Variants in MYO9B observed in about 807,000 individuals in gnomAD.
MYO9B encodes myosin IXB.
A neutral mutation model predicts 229.5 loss-of-function variants in MYO9B; 71 were observed. That is an observed-to-expected ratio of 0.31 (90% confidence interval 0.26 to 0.38). The LOEUF (loss-of-function observed/expected upper bound fraction) is 0.38, where lower values mean the gene tolerates loss of function less well. Ranked by LOEUF, MYO9B falls within the 10% of genes least tolerant of loss-of-function variation. The probability of loss-of-function intolerance (pLI) is 1.00; values close to 1 mark genes in which losing one functional copy is unlikely to be tolerated. For missense variants in MYO9B, 2,255 were observed against 2,920.5 expected (o/e 0.77, Z 5.25); for synonymous variants, 1,185 against 1,235.8 (o/e 0.96, Z 0.86).
intron 22 of MYO9B, among the ~76,000 whole-genome samples, chr19:17,196,300 G>A (rs1272602077): frequency 6.6e-6 from 1 of 152,034 alleles, no homozygotes; most frequent in Non-Finnish European, 1.5e-5. Flanking sequence ...AGATACACAT[G>A]ATGGATGAAG....
chr19:17,196,168 G>T lies in MYO9B; in HGVS notation c.4046+695G>T, dbSNP rs1447812450. Reference sequence around the variant, plus strand: ...TGGGTGGGTGGGTGGGTGGGTGGATGGATGGAAGATAGAGATGATGGAAGG... The same window carrying T: ...TGGGTGGGTGGGTGGGTGGGTGGATTGATGGAAGATAGAGATGATGGAAGG... On this transcript the variant is annotated intron_variant, in intron 22 of 39. Transcript: ENST00000682292. Among the ~76,000 whole-genome samples the T allele has an allele frequency of 7.4e-5, 11 of 149,568 alleles. No homozygotes were observed. The East Asian group carries it at 2.0e-3, about 27-fold the overall frequency.
Position 17,181,033 on chromosome 19 carries a change from T to G in MYO9B, c.2326T>G (p.Phe776Val). Residue 776 changes from phenylalanine to valine, a missense_variant, in exon 15 of 40, where the codon TTC becomes GTC. By Grantham distance (50) the Phe-to-Val change is conservative. Around this residue, in one of 7 missense-constraint regions of MYO9B, gnomAD observed 155 missense variants for 159.1 expected, o/e 0.97. Coordinates refer to ENST00000682292, the MANE Select transcript of MYO9B (RefSeq NM_004145.4). ...CAGTCGGCTCCAGAAACCCCGCGCC[T>G]TCATCCTGTGAGTCCCCCACCAAGG... ...SLSRLQKPRAFILKSKGIKQK... is the reference protein window; with the variant it reads ...SLSRLQKPRAVILKSKGIKQK... The G allele has an allele frequency of 6.2e-7, 1 of 1,606,818 alleles. No individual in the cohort carries two copies. Among genetic ancestry groups the G allele is most frequent in the Non-Finnish European group, 8.5e-7 (1 of 1,176,190 alleles).
chr19:17,169,802 C>CTTTTTTTTTTTT (rs762583073), intron 11 of MYO9B, among the ~76,000 whole-genome samples: 2 of 106,588 alleles, frequency 1.9e-5, no homozygotes, highest in African/African-American at 8.3e-5. Context: ...CTGTCTCCTC[C>CTTTTTTTTTTTT]TTTTTTTTTT....
intron 14 of MYO9B, among the ~76,000 whole-genome samples, chr19:17,179,024 C>G (rs967899061): frequency 1.5e-4 from 20 of 135,662 alleles, no homozygotes; most frequent in Non-Finnish European, 2.3e-4. Context: ...GAGCAAGACT[C>G]TGTAAAAAAA....
At chr19:17,163,145 A>C in intron 10 of MYO9B, 23 bp downstream of exon 10, 1 of 1,545,566 alleles carries the variant, frequency 6.5e-7, no homozygotes, top group Non-Finnish European at 8.7e-7. Context: ...CTTTTTTGTC[A>C]ATTTTTTGAA....
At chr19:17,126,492 A>C (rs1218503090) in intron 2 of MYO9B, among the ~76,000 whole-genome samples, 2 of 152,162 alleles carry the variant, frequency 1.3e-5, no homozygotes, top group East Asian at 3.9e-4. Flanking sequence ...CACAGATCCT[A>C]GGGGCCACCC....
At chr19:17,162,287 A>G in intron 8 of MYO9B, 63 bp from the exon 9 acceptor site, 2 of 1,374,234 alleles carry the variant, frequency 1.5e-6, no homozygotes, top group Non-Finnish European at 2.0e-6. Flanking sequence ...CCTGGATGAC[A>G]GAGCAAGACT....
chr19:17,079,266 G>A (rs2057513426), intron 1 of MYO9B, among the ~76,000 whole-genome samples: 1 of 152,214 alleles, frequency 6.6e-6, no homozygotes, highest in South Asian at 2.1e-4. Flanking sequence ...CAGGGGCAGA[G>A]ACCAGGAACT....
intron 2 of MYO9B, among the ~76,000 whole-genome samples, chr19:17,134,373 TTTTG>T (rs1243643937): frequency 7.4e-6 from 1 of 134,494 alleles, no homozygotes; most frequent in Non-Finnish European, 1.6e-5. Flanking sequence ...TTTTTTTTCG[TTTTG>T]TTTGTTTTTT....
Position 17,212,068 on chromosome 19 carries a change from T to G in MYO9B, c.6232T>G (p.Ser2078Ala), listed in dbSNP as rs1568306288. ...ANIKLPPGLP[S>A]HLPRWAPGAR... ...CATCAAGCTCCCACCAGGCCTGCCCTCCCACCTGCCTCGCTGGGCACCGGG... is the reference window on the plus strand; with the variant it reads ...CATCAAGCTCCCACCAGGCCTGCCCGCCCACCTGCCTCGCTGGGCACCGGG... Residue 2078 changes from serine (S) to alanine (A), a missense_variant, in exon 40 of 40, where the codon TCC (serine) becomes GCC (alanine). By Grantham distance (99) the Ser-to-Ala change is moderately conservative. Transcript: ENST00000682292. This position sits in a 1 kb window ranked among gnomAD's most constrained non-coding sequence, Gnocchi z 5.4. 6.3e-7 allele frequency: 1 copy of G among 1,599,508 alleles called. No individual in the cohort carries two copies. The highest frequency in any genetic ancestry group is 8.5e-7 in the Non-Finnish European group (1 of 1,174,576).
At chr19:17,080,439 G>A (rs924224401) in intron 1 of MYO9B, among the ~76,000 whole-genome samples, 2 of 152,150 alleles carry the variant, frequency 1.3e-5, no homozygotes, top group Admixed American at 6.6e-5. Flanking sequence ...ATACATAGCC[G>A]TCTTCCCCTG....
rs1249457659 is a variant in MYO9B, at chr19:17,212,965, CAG to C, written c.*656_*657del. The C allele has an allele frequency of 1.3e-5, 2 of 152,302 alleles. No individual in the cohort carries two copies. The highest frequency in any genetic ancestry group is 2.1e-4 in the South Asian group (1 of 4,834). 9.4% of individuals were successfully genotyped at this position (152,302 alleles called of 1,614,324 possible). ...TATTGGCTGGAGCCAGGACATGAGTCAGGGGCACCATGGACCTCACGTGCCAG... is the reference window on the plus strand; with the variant it reads ...TATTGGCTGGAGCCAGGACATGAGTCGGGCACCATGGACCTCACGTGCCAG... On this transcript the variant is annotated 3_prime_UTR_variant, in exon 40 of 40. Coordinates refer to ENST00000682292, the MANE Select transcript of MYO9B (RefSeq NM_004145.4). The surrounding 1 kb of genome is among the most constrained non-coding windows in gnomAD (Gnocchi z 5.4).
intron 1 of MYO9B, chr19:17,099,133 G>A (rs1198139667): frequency 6.6e-6 from 1 of 151,752 alleles, no homozygotes; most frequent in African/African-American, 2.4e-5. Flanking sequence ...AAATTAGTTG[G>A]GCATGGTGGT....
intron 2 of MYO9B, among the ~76,000 whole-genome samples, chr19:17,139,651 T>C (rs1318671704): frequency 6.7e-6 from 1 of 150,352 alleles, no homozygotes; most frequent in East Asian, 2.0e-4. Flanking sequence ...GGCGGGAGGA[T>C]CACCTTGAGC....
At chr19:17,130,694 G>C (rs919630390) in intron 2 of MYO9B, among the ~76,000 whole-genome samples, 2 of 151,860 alleles carry the variant, frequency 1.3e-5, no homozygotes, top group South Asian at 2.1e-4. Context: ...TGAGGCAGGA[G>C]GATCGCTTGA....
intron 17 of MYO9B, 37 bp downstream of exon 17, chr19:17,185,024 C>T (rs753511184): frequency 6.2e-7 from 1 of 1,613,104 alleles, no homozygotes; most frequent in Non-Finnish European, 8.5e-7. Flanking sequence ...TGGCGGTCAG[C>T]TCAGCCTCAG....
At chr19:17,207,354 G>A (rs893572930) in intron 35 of MYO9B, 110 bp downstream of exon 35, 23 of 1,409,870 alleles carry the variant, frequency 1.6e-5, no homozygotes, top group African/African-American at 8.6e-5. Flanking sequence ...GTCCAGAGCC[G>A]AGTGCAGCGG....
chr19:17,205,218 G>A (rs748828458), intron 30 of MYO9B, 45 bp from the exon 31 acceptor site: 11 of 1,561,178 alleles, frequency 7.0e-6, no homozygotes, highest in Non-Finnish European at 9.7e-6. Context: ...CAGGAATCTG[G>A]GGTCCCCAGC....
chr19:17,165,552 G>A (rs2072649739), intron 10 of MYO9B, among the ~76,000 whole-genome samples: 1 of 151,752 alleles, frequency 6.6e-6, no homozygotes, highest in Admixed American at 6.6e-5. Flanking sequence ...CCCATCCTGG[G>A]CAACAGAGTA....
Sources: gnomAD v4.1 joint callset for allele counts (sites outside exome capture counted in the v4.1 genomes callset) on GRCh38, gnomAD v4.1.1 for gene constraint, gnomAD v4.1.1 regional missense constraint, Gnocchi (gnomAD v3.1) non-coding constraint, MANE v1.5 for transcripts, NCBI Gene and HGNC (gene_info 2026-07-23, HGNC 2026-07-21) for gene names.